The following TJP2 variants were observed in gnomAD, a reference collection of about 807,000 sequenced individuals.
TJP2 encodes the protein Friedreich ataxia region gene X104 (tight junction protein ZO-2).
In TJP2, 91 loss-of-function variants were observed where a neutral mutation model predicts 133.1. The observed-to-expected ratio is 0.68, with a 90% CI of 0.58 to 0.81. TJP2 has a LOEUF of 0.81. Ranked by LOEUF, TJP2 falls within the 40% of genes least tolerant of loss-of-function variation. The pLI is 0.00. For synonymous variants in TJP2, 592 were observed against 583.4 expected, an observed-to-expected ratio of 1.01 and a Z score of -0.21; for missense variants, 1,541 against 1,565.6, an observed-to-expected ratio of 0.98 and a Z score of 0.26.
intron 1 of TJP2, chr9:69,204,966 T>C: frequency 2.3e-6 from 3 of 1,304,704 alleles, no homozygotes; most frequent in South Asian, 2.7e-5. Context: ...CTGCTTTCTT[T>C]TTTGCTCATA....
intron 1 of TJP2, among the ~76,000 whole-genome samples, chr9:69,203,607 A>ATTTGTTTTTTTT (rs1827167385): frequency 1.5e-5 from 1 of 67,860 alleles, no homozygotes. Flanking sequence ...CCCAGCCTGG[A>ATTTGTTTTTTTT]TTTTTTTTTT....
At chr9:69,234,282 A>T (rs1258607021) in intron 11 of TJP2, among the ~76,000 whole-genome samples, 157 bp from the exon 12 acceptor site, 1 of 151,880 alleles carries the variant, frequency 6.6e-6, no homozygotes, top group African/African-American at 2.4e-5. Context: ...GACATTAAGG[A>T]CTCATTTGCA....
upstream of TJP2, chr9:69,173,983 TGCGGGCCGC>T: frequency 4.1e-6 from 4 of 985,188 alleles, no homozygotes; most frequent in Non-Finnish European, 4.8e-6. Context: ...GCGTGGGGGC[TGCGGGCCGC>T]TCGGGCCTTG....
chr9:69,239,719 C>A (rs1830453224), intron 16 of TJP2, among the ~76,000 whole-genome samples: 1 of 151,744 alleles, frequency 6.6e-6, no homozygotes, highest in African/African-American at 2.4e-5. Context: ...GAGGCTGAGA[C>A]AGGATAATTG....
intron 1 of TJP2, among the ~76,000 whole-genome samples, chr9:69,199,845 A>G (rs1350130663): frequency 6.6e-6 from 1 of 152,150 alleles, no homozygotes; most frequent in East Asian, 1.9e-4. Context: ...CTCGGATCCC[A>G]TCTCTGACAG....
upstream of TJP2, chr9:69,173,950 C>T (rs1349354119): frequency 3.0e-6 from 3 of 985,078 alleles, no homozygotes; most frequent in Middle Eastern, 5.2e-4. Context: ...AACCATCGGG[C>T]TGGCGGGGGT....
At chr9:69,130,003 G>A (rs1167062330) in intron 1 of TJP2, among the ~76,000 whole-genome samples, 4 of 113,180 alleles carry the variant, frequency 3.5e-5, no homozygotes, top group Admixed American at 1.1e-4. Flanking sequence ...GGACAAGAGC[G>A]AAACTCTGCC....
chr9:69,249,815 T>A, intron 20 of TJP2: 1 of 954,166 alleles, frequency 1.0e-6, no homozygotes, highest in South Asian at 4.8e-5. Flanking sequence ...TCGCAGAACG[T>A]GTTTTTCTTT....
At chr9:69,174,009 T>C (rs2132931478), upstream of TJP2, 2 of 984,786 alleles carry the variant, frequency 2.0e-6, no homozygotes, top group Non-Finnish European at 2.4e-6. Flanking sequence ...CTTGGGCTTC[T>C]CCTGCCGCCG....
intron 2 of TJP2, among the ~76,000 whole-genome samples, chr9:69,154,751 C>G (rs1282558256): frequency 1.3e-5 from 2 of 150,434 alleles, no homozygotes; most frequent in Admixed American, 1.3e-4. Flanking sequence ...ATAAGGAGAC[C>G]CTGTCTCTTT....
intron 1 of TJP2, among the ~76,000 whole-genome samples, chr9:69,132,937 A>G (rs1225105702): frequency 6.6e-6 from 1 of 151,002 alleles, no homozygotes; most frequent in African/African-American, 2.4e-5. Context: ...AGATTTCTTC[A>G]TTTCTTCATC....
At chr9:69,192,359 A>T (rs1826259997) in intron 1 of TJP2, among the ~76,000 whole-genome samples, 1 of 152,144 alleles carries the variant, frequency 6.6e-6, no homozygotes, top group African/African-American at 2.4e-5. Context: ...AGTGTTATTC[A>T]CTGGATGCTT....
chr9:69,171,694 T>A (rs1195612590), upstream of TJP2, among the ~76,000 whole-genome samples: 1 of 152,150 alleles, frequency 6.6e-6, no homozygotes, highest in Non-Finnish European at 1.5e-5. Flanking sequence ...TTGTTGATTG[T>A]CTACTGCAAT....
intron 2 of TJP2, among the ~76,000 whole-genome samples, chr9:69,162,712 T>C (rs1436131206): frequency 6.6e-6 from 1 of 152,250 alleles, no homozygotes; most frequent in Non-Finnish European, 1.5e-5. Context: ...ATCCCAAGTG[T>C]ATACCCCAGG....
At chr9:69,195,521 A>G (rs1243724937) in intron 1 of TJP2, among the ~76,000 whole-genome samples, 13 of 152,186 alleles carry the variant, frequency 8.5e-5, no homozygotes, top group Non-Finnish European at 8.8e-5. Context: ...GCCATGGGCA[A>G]GTTCCTTGAG....
At chr9:69,130,365 TG>T (rs1374310585) in intron 1 of TJP2, among the ~76,000 whole-genome samples, 3 of 152,120 alleles carry the variant, frequency 2.0e-5, no homozygotes, top group Admixed American at 6.5e-5. Context: ...GAGACAGTAG[TG>T]GGATAGGTGA....
At chr9:69,121,493 C>T (rs2133202832) in exon 1 of TJP2, 2 of 339,600 alleles carry the variant, frequency 5.9e-6, no homozygotes, top group South Asian at 1.2e-4. Context: ...GGAAATAGCC[C>T]GAATCACAAT....
At chr9:69,238,036 G>T in intron 15 of TJP2, 63 bp downstream of exon 15, 1 of 1,227,550 alleles carries the variant, frequency 8.1e-7, no homozygotes, top group East Asian at 2.4e-5. Context: ...TAACAGAGGA[G>T]TTGGAAGAAT....
intron 2 of TJP2, among the ~76,000 whole-genome samples, chr9:69,156,486 T>C (rs879513488): frequency 5.3e-5 from 8 of 151,726 alleles, no homozygotes; most frequent in Admixed American, 2.6e-4. Context: ...TTTTATACAT[T>C]TTAGGGAGAC....
Sources: gnomAD v4.1 joint callset for allele counts (sites outside exome capture counted in the v4.1 genomes callset) on GRCh38, gnomAD v4.1.1 for gene constraint, MANE v1.5 for transcripts, NCBI Gene and HGNC (gene_info 2026-07-23, HGNC 2026-07-21) for gene names.